LRIF1: variants seen among roughly 807,000 people sequenced by gnomAD.
LRIF1 encodes the protein ligand-dependent nuclear receptor-interacting factor 1.
LRIF1 carries 32 observed loss-of-function variants against 52.7 expected under a neutral mutation model. The ratio of observed to expected loss-of-function variants is 0.61; its 90% CI spans 0.46 to 0.82. The LOEUF (loss-of-function observed/expected upper bound fraction) is 0.82, where lower values mean the gene tolerates loss of function less well. Among genes scored for constraint, LRIF1 ranks in the 40% least tolerant of loss-of-function variants. LRIF1 has a pLI of 0.00. For synonymous variants in LRIF1, 323 were observed against 317.4 expected (o/e 1.02, Z -0.19); for missense variants, 887 against 892.0 (o/e 0.99, Z 0.07).
chr1:110,920,776 C>A, the LRIF1 span, among the ~76,000 whole-genome samples: 2 of 152,078 alleles, frequency 1.3e-5, no homozygotes, highest in Non-Finnish European at 1.5e-5. Flanking sequence ...GCGGTACATG[C>A]GGTGGGGAAA....
At chr1:110,949,017 G>GA (rs1658336727) in intron 3 of LRIF1, among the ~76,000 whole-genome samples, 1 of 152,054 alleles carries the variant, frequency 6.6e-6, no homozygotes, top group Admixed American at 6.5e-5. Context: ...AACATAATGG[G>GA]AAAAAAATGT....
the LRIF1 span, among the ~76,000 whole-genome samples, chr1:110,879,112 T>A: frequency 6.6e-6 from 1 of 152,186 alleles, no homozygotes; most frequent in Non-Finnish European, 1.5e-5. Context: ...TTGCCCCGTG[T>A]ATGTTTTATT....
the LRIF1 span, chr1:110,895,009 A>G: frequency 6.2e-7 from 1 of 1,613,974 alleles, no homozygotes; most frequent in East Asian, 2.2e-5. Flanking sequence ...CACCGTTACC[A>G]CTCAGACAAT....
At chr1:110,958,669 T>TA (rs931855611) in intron 1 of LRIF1, among the ~76,000 whole-genome samples, 139 of 151,570 alleles carry the variant, frequency 9.2e-4, no homozygotes, top group African/African-American at 3.2e-3. Context: ...CTCCAAAAAA[T>TA]AAAAAAAAGG....
the LRIF1 span, among the ~76,000 whole-genome samples, chr1:110,888,955 C>A: frequency 4.1e-4 from 63 of 152,278 alleles, 2 homozygotes; most frequent in African/African-American, 1.5e-3. Context: ...AACCCAGCTG[C>A]AAATCTTTGC....
At chr1:110,963,334 T>G in intron 1 of LRIF1, 1 of 243,940 alleles carries the variant, frequency 4.1e-6, no homozygotes, top group Admixed American at 5.0e-5. Flanking sequence ...GCGTCGGCCA[T>G]CTTGGTTTTC....
chr1:110,947,953 G>C lies in LRIF1; in HGVS notation c.*6C>G. 1 of 1,566,334 alleles carries C rather than the reference G, an allele frequency of 6.4e-7. No individual in the cohort carries two copies. Among genetic ancestry groups the C allele is most frequent in the Non-Finnish European group, 8.6e-7 (1 of 1,161,090 alleles). ...AGCTATTTCACTGAAGTCTTTACAG[G>C]AGATTTTATTTTTGGTGCATCTTCT... On this transcript the variant is annotated 3_prime_UTR_variant, in exon 4 of 4. Transcript: ENST00000369763.
At chr1:110,932,972 G>C in the LRIF1 span, among the ~76,000 whole-genome samples, 5 of 152,150 alleles carry the variant, frequency 3.3e-5, no homozygotes, top group African/African-American at 1.2e-4. Flanking sequence ...ATAGTTGGCA[G>C]TGCTTCAGTC....
At chr1:110,899,304 T>G in the LRIF1 span, 2 of 767,988 alleles carry the variant, frequency 2.6e-6, no homozygotes, top group East Asian at 5.4e-5. Flanking sequence ...CTCCCATCCT[T>G]TCCCTTTTTA....
At position 110,949,892 on chromosome 1, in the gene LRIF1, T is replaced by C. The variant is rs746877619; in HGVS notation, c.1828A>G (p.Lys610Glu). ...FSSLVKSGTY[K>E]ETEFMVKEGE... ...TCCTTCACCATAAACTCTGTCTCTT[T>C]GTAAGTACCACTCTTTACCAAACTG... Residue 610 changes from lysine to glutamate, a missense_variant, in exon 3 of 4, where the codon AAA becomes GAA. Coordinates refer to ENST00000369763, the MANE Select transcript of LRIF1 (RefSeq NM_018372.4). 3.1e-6 allele frequency: 5 copies of C among 1,614,118 alleles called. No individual in the cohort carries two copies. The highest frequency in any genetic ancestry group is 1.1e-5 in the South Asian group (1 of 91,086).
intron 3 of LRIF1, among the ~76,000 whole-genome samples, chr1:110,949,340 G>A (rs370599375): frequency 2.0e-5 from 3 of 151,278 alleles, no homozygotes; most frequent in East Asian, 1.9e-4. Context: ...AGATGGTCTC[G>A]ATCTCTTGAC....
chr1:110,892,657 T>A, the LRIF1 span: 1 of 820,642 alleles, frequency 1.2e-6, no homozygotes, highest in South Asian at 1.7e-5. Flanking sequence ...GATTGGTACC[T>A]CAGATCAGCC....
the LRIF1 span, among the ~76,000 whole-genome samples, chr1:110,876,746 A>C: frequency 1.3e-5 from 2 of 152,168 alleles, no homozygotes; most frequent in African/African-American, 4.8e-5. Flanking sequence ...AGAATCCCTT[A>C]GATCATTTAT....
chr1:110,946,358 T>G (rs1658203998), downstream of LRIF1, among the ~76,000 whole-genome samples: 1 of 152,174 alleles, frequency 6.6e-6, no homozygotes, highest in African/African-American at 2.4e-5. Flanking sequence ...TGACTGCTAA[T>G]GGGTATAAGG....
chr1:110,922,666 T>C, the LRIF1 span, among the ~76,000 whole-genome samples: 1 of 152,224 alleles, frequency 6.6e-6, no homozygotes, highest in Admixed American at 6.5e-5. Context: ...ATTGTAGTTG[T>C]TTTCTATTGC....
chr1:110,900,655 C>T, the LRIF1 span, among the ~76,000 whole-genome samples: 114 of 150,578 alleles, frequency 7.6e-4, 1 homozygote, highest in East Asian at 0.011. Context: ...GCATGAGCCA[C>T]GCCACAGTTT....
At chr1:110,889,384 G>A in the LRIF1 span, among the ~76,000 whole-genome samples, 1 of 151,558 alleles carries the variant, frequency 6.6e-6, no homozygotes, top group African/African-American at 2.4e-5. Context: ...GTGAAACCCC[G>A]TCTCTACTAA....
intron 3 of LRIF1, 149 bp from the exon 4 acceptor site, chr1:110,948,548 A>C (rs1311657142): frequency 1.9e-5 from 24 of 1,244,900 alleles, no homozygotes; most frequent in Non-Finnish European, 2.5e-5. Context: ...CAAGAGGGAA[A>C]TATTTCCCAC....
chr1:110,900,553 G>A, the LRIF1 span, among the ~76,000 whole-genome samples: 3 of 152,088 alleles, frequency 2.0e-5, no homozygotes, highest in Non-Finnish European at 4.4e-5. Flanking sequence ...TTTTAGTAGA[G>A]ATGGGGTTTC....
Sources: gnomAD v4.1 joint callset for allele counts (sites outside exome capture counted in the v4.1 genomes callset) on GRCh38, gnomAD v4.1.1 for gene constraint, MANE v1.5 for transcripts, NCBI Gene and HGNC (gene_info 2026-07-23, HGNC 2026-07-21) for gene names.